Variants in TBC1D1 observed in about 807,000 individuals in gnomAD.
The protein encoded by TBC1D1 is TBC1 domain family member 1, also known as TBC1 (tre-2/USP6, BUB2, cdc16) domain family, member 1.
A neutral mutation model predicts 125.6 loss-of-function variants in TBC1D1; 89 were observed. That is an observed-to-expected ratio of 0.71 (90% CI 0.60 to 0.85). The LOEUF is 0.85. Among genes scored for constraint, TBC1D1 ranks in the 40% least tolerant of loss-of-function variants. TBC1D1 has a pLI of 0.00. For synonymous variants in TBC1D1, 565 were observed against 564.1 expected, an observed-to-expected ratio of 1.00 and a Z score of -0.02; for missense variants, 1,377 against 1,469.2, an observed-to-expected ratio of 0.94 and a Z score of 1.03.
intron 12 of TBC1D1, among the ~76,000 whole-genome samples, chr4:38,066,761 A>C (rs1197968700): frequency 6.6e-6 from 1 of 152,212 alleles, no homozygotes; most frequent in Non-Finnish European, 1.5e-5. Context: ...GCTTTGTGAG[A>C]TCCTGAGATA....
chr4:38,040,001 G>A (rs1748040496), intron 8 of TBC1D1, among the ~76,000 whole-genome samples: 1 of 151,854 alleles, frequency 6.6e-6, no homozygotes, highest in South Asian at 2.1e-4. Flanking sequence ...CATCTTCCAA[G>A]GAGAAACTTC....
At chr4:37,973,190 G>A (rs571140126) in intron 2 of TBC1D1, among the ~76,000 whole-genome samples, 1 of 152,178 alleles carries the variant, frequency 6.6e-6, no homozygotes, top group Admixed American at 6.5e-5. Flanking sequence ...TAGGAAGGAA[G>A]ACTTGGATCA....
chr4:38,118,003 T>C (rs1560259775), intron 16 of TBC1D1, 30 bp from the exon 19 acceptor site: 1 of 1,611,104 alleles, frequency 6.2e-7, no homozygotes, highest in African/African-American at 1.3e-5. Flanking sequence ...AGATCCCTAA[T>C]TCTCAGCCCT....
Position 38,020,666 on chromosome 4 carries a change from T to C in TBC1D1, c.1048T>C (p.Tyr350His), listed in dbSNP as rs1743823683. 1.9e-6 allele frequency: 3 copies of C among 1,612,724 alleles called. No homozygotes were observed. The highest frequency in any genetic ancestry group is 1.7e-5 in the Admixed American group (1 of 59,950). Residue 350 changes from tyrosine (Y) to histidine (H), a missense_variant, in exon 5 of 20, where the codon TAC (tyrosine) becomes CAC (histidine). This residue lies in a region of TBC1D1 where 822 missense variants were observed against 824.6 expected (regional missense o/e 1.00). Coordinates refer to ENST00000261439, the MANE Select transcript of TBC1D1 (RefSeq NM_015173.4). ...AGGTGGCGGCTTTCATTTTGTCTGT[T>C]ACGTGTTTCAGTGCACAAATGAGGC...
intron 1 of TBC1D1, among the ~76,000 whole-genome samples, chr4:37,894,163 G>A (rs113452805): frequency 0.084 from 12,780 of 151,860 alleles, 904 homozygotes; most frequent in East Asian, 0.23. Context: ...TAAATTTTGT[G>A]TTTTTAGTAG....
chr4:37,902,467 C>A lies in TBC1D1; in HGVS notation c.372C>A (p.His124Gln). 1.9e-6 allele frequency: 3 copies of A among 1,613,454 alleles called. No individual in the cohort carries two copies. In the South Asian group the frequency reaches 3.3e-5, roughly 18 times the overall value. ...GTCTGATTAAGGAAGACGCTGTCCA[C>A]CGGCAGAGTATCTGCTATGTGTTCA... The change falls in exon 2 of 20, where the codon CAC (histidine) becomes CAA (glutamine). Residue 124 changes from histidine to glutamine, a missense_variant. His to Gln is a conservative substitution (Grantham distance 24, BLOSUM62 0). Around this residue, in one of 3 missense-constraint regions of TBC1D1, gnomAD observed 822 missense variants for 824.6 expected, o/e 1.00. Transcript: ENST00000261439.
intron 8 of TBC1D1, among the ~76,000 whole-genome samples, chr4:38,041,812 G>T (rs908581262): frequency 1.3e-5 from 2 of 152,158 alleles, no homozygotes; most frequent in Admixed American, 6.5e-5. Flanking sequence ...AAATATTTCT[G>T]CATATGGCCA....
intron 14 of TBC1D1, among the ~76,000 whole-genome samples, chr4:38,100,600 A>T (rs772512671): frequency 1.3e-5 from 2 of 152,202 alleles, no homozygotes; most frequent in Non-Finnish European, 2.9e-5. Flanking sequence ...TTGAGGGGAC[A>T]CCATTCAACT....
At chr4:38,044,777 A>G (rs1455299003) in intron 9 of TBC1D1, among the ~76,000 whole-genome samples, 1 of 152,178 alleles carries the variant, frequency 6.6e-6, no homozygotes, top group Non-Finnish European at 1.5e-5. Flanking sequence ...CATGCATTAG[A>G]TACACTGAAG....
chr4:38,026,458 C>G (rs1745103429), intron 6 of TBC1D1, among the ~76,000 whole-genome samples: 1 of 152,208 alleles, frequency 6.6e-6, no homozygotes, highest in African/African-American at 2.4e-5. Context: ...GCATGGTTTC[C>G]AAGTCCCTGG....
At chr4:38,058,493 TCA>T (rs147733002) in intron 12 of TBC1D1, among the ~76,000 whole-genome samples, 2,553 of 152,350 alleles carry the variant, frequency 0.017, 31 homozygotes, top group Non-Finnish European at 0.027. Context: ...GCCGCTGGAC[TCA>T]CTGCATTCCC....
chr4:37,913,697 C>A (rs1323485622), intron 2 of TBC1D1, among the ~76,000 whole-genome samples: 2 of 151,032 alleles, frequency 1.3e-5, no homozygotes, highest in African/African-American at 2.4e-5. Context: ...CCTCCGATGA[C>A]CCCACATCCC....
At chr4:38,013,814 C>T (rs368812002) in intron 2 of TBC1D1, among the ~76,000 whole-genome samples, 1 of 151,704 alleles carries the variant, frequency 6.6e-6, no homozygotes, top group Admixed American at 6.7e-5. Flanking sequence ...GTGAAGAATC[C>T]CTGGTGAGCC....
At chr4:37,988,184 A>G (rs1045341111) in intron 2 of TBC1D1, among the ~76,000 whole-genome samples, 4 of 152,222 alleles carry the variant, frequency 2.6e-5, no homozygotes, top group African/African-American at 9.6e-5. Flanking sequence ...CGTGTTTCCA[A>G]TACATTTTTT....
rs1749883826 is a variant in TBC1D1 at position 38,048,472 on chromosome 4, T to C, written c.1630-1146T>C. Among the ~76,000 whole-genome samples the C allele has an allele frequency of 2.0e-5, 3 of 152,130 alleles. No homozygotes were observed. The South Asian group carries it at 6.2e-4, about 32-fold the overall frequency. On this transcript the variant is annotated intron_variant, in intron 10 of 19. Transcript: ENST00000261439. ...TGAAAGTAATCAATATTTCATAGTA[T>C]GTTGGGAATTTTTTCCTAATTCTTA...
intron 2 of TBC1D1, among the ~76,000 whole-genome samples, chr4:37,920,843 G>A (rs1022308928): frequency 1.1e-4 from 17 of 152,094 alleles, no homozygotes; most frequent in African/African-American, 4.1e-4. Context: ...GGGCGCGGTG[G>A]CTCACGCCTG....
At chr4:38,038,390 A>G (rs1200435809) in intron 8 of TBC1D1, among the ~76,000 whole-genome samples, 1 of 152,204 alleles carries the variant, frequency 6.6e-6, no homozygotes. Flanking sequence ...TTACAGTTTT[A>G]AAGACTTTGT....
intron 2 of TBC1D1, among the ~76,000 whole-genome samples, chr4:37,993,304 T>C (rs1457585469): frequency 1.3e-5 from 2 of 152,222 alleles, no homozygotes; most frequent in Non-Finnish European, 2.9e-5. Flanking sequence ...AAGATTTTAC[T>C]AAATACATTC....
chr4:38,018,273 C>G (rs1166967481), intron 3 of TBC1D1, 81 bp from the exon 4 acceptor site: 1 of 1,031,596 alleles, frequency 9.7e-7, no homozygotes, highest in African/African-American at 1.6e-5. Context: ...TTTATAGGAG[C>G]TTGTCCCTTT....
Sources: gnomAD v4.1 joint callset for allele counts (sites outside exome capture counted in the v4.1 genomes callset) on GRCh38, gnomAD v4.1.1 for gene constraint, gnomAD v4.1.1 regional missense constraint, MANE v1.5 for transcripts, NCBI Gene and HGNC (gene_info 2026-07-23, HGNC 2026-07-21) for gene names.